The following KIAA0319 variants were observed in gnomAD, a reference collection of about 807,000 sequenced individuals.
The protein encoded by KIAA0319 is KIAA0319.
Under a neutral mutation model 108.4 loss-of-function variants are expected in KIAA0319, and 83 were observed. That is an observed-to-expected ratio of 0.77 (90% confidence interval 0.64 to 0.92). The LOEUF is 0.92. Ranked by LOEUF, KIAA0319 falls within the 40% of genes least tolerant of loss-of-function variation. The pLI, the probability that KIAA0319 is intolerant of heterozygous loss-of-function variation, is 0.00. For missense variants in KIAA0319, 1,195 were observed against 1,322.4 expected (o/e 0.90, Z 1.49); for synonymous variants, 484 against 510.4 (o/e 0.95, Z 0.70).
rs1770466619 is a variant in KIAA0319 at position 24,600,527 on chromosome 6, G to A, written c.55+522C>T. ...GCATTTTAACAAGGGTCTCGCTAAG[G>A]TTATCTTCATTATGGCTGTGTTACA... is the stretch of plus-strand genomic sequence containing the variant. On this transcript the variant is annotated intron_variant, in intron 2 of 20. Transcript: ENST00000378214. The A allele has an allele frequency of 4.0e-6, 3 of 744,816 alleles. No individual in the cohort carries two copies. In the East Asian group the frequency reaches 8.1e-5, roughly 20 times the overall value. 46.1% of individuals were successfully genotyped at this position (744,816 alleles called of 1,614,324 possible).
At chr6:24,608,142 C>T (rs1395750160) in intron 1 of KIAA0319, among the ~76,000 whole-genome samples, 1 of 151,848 alleles carries the variant, frequency 6.6e-6, no homozygotes, top group African/African-American at 2.4e-5. Flanking sequence ...AATAGAAGAC[C>T]TAAGGCTGAC....
intron 16 of KIAA0319, 46 bp from the exon 17 acceptor site, chr6:24,559,201 G>A (rs1345615963): frequency 6.3e-7 from 1 of 1,595,494 alleles, no homozygotes; most frequent in Non-Finnish European, 8.6e-7. Flanking sequence ...GTCAGATGGT[G>A]ACTACCATGA....
intron 3 of KIAA0319, 54 bp downstream of exon 3, chr6:24,595,819 C>T (rs1249445012): frequency 9.2e-6 from 14 of 1,524,186 alleles, no homozygotes; most frequent in African/African-American, 2.8e-5. Flanking sequence ...GCCCCTCCTA[C>T]GGTCTGCCCC....
At chr6:24,588,535 C>A in intron 4 of KIAA0319, 58 bp downstream of exon 4, 1 of 1,481,446 alleles carries the variant, frequency 6.8e-7, no homozygotes, top group Non-Finnish European at 9.3e-7. Context: ...GTTGTCACCA[C>A]CAAATTCTAC....
chr6:24,599,312 G>C lies in KIAA0319; in HGVS notation c.55+1737C>G, dbSNP rs566251995. ...AGAACATCAGCCGGCTCCAGACTGAGACTGAGGGCCTCAAAGGCTAGAGGG... is the reference window on the plus strand; with the variant it reads ...AGAACATCAGCCGGCTCCAGACTGACACTGAGGGCCTCAAAGGCTAGAGGG... On this transcript the variant is annotated intron_variant, in intron 2 of 20. Transcript: ENST00000378214. The surrounding 1 kb of genome is among the most constrained non-coding windows in gnomAD (Gnocchi z 4.1). 4.0e-6 allele frequency: 2 copies of C among 496,264 alleles called. No individual in the cohort carries two copies. The highest frequency in any genetic ancestry group is 5.6e-5 in the Admixed American group (2 of 35,760). 30.7% of individuals were successfully genotyped at this position (496,264 alleles called of 1,614,324 possible). A position where few individuals can be genotyped will look rare whatever the true frequency, so the allele number is the denominator to read the frequency against.
At chr6:24,565,305 G>C (rs916240853) in intron 14 of KIAA0319, among the ~76,000 whole-genome samples, 2 of 148,756 alleles carry the variant, frequency 1.3e-5, no homozygotes, top group African/African-American at 5.2e-5. Flanking sequence ...CCACTCCTTA[G>C]TACATCTCCA....
chr6:24,581,775 T>C (rs952561722), intron 6 of KIAA0319, among the ~76,000 whole-genome samples: 1 of 152,170 alleles, frequency 6.6e-6, no homozygotes, highest in Admixed American at 6.6e-5. Flanking sequence ...ATCCAAAGCC[T>C]CTTAACCATC....
chr6:24,551,023 AG>A (rs1357631088), intron 20 of KIAA0319, among the ~76,000 whole-genome samples: 1 of 152,098 alleles, frequency 6.6e-6, no homozygotes, highest in East Asian at 1.9e-4. Flanking sequence ...CTGTAGCCCA[AG>A]CTGTAGTGCA....
intron 1 of KIAA0319, among the ~76,000 whole-genome samples, chr6:24,629,216 A>T (rs1447264399): frequency 6.6e-6 from 1 of 152,102 alleles, no homozygotes; most frequent in Non-Finnish European, 1.5e-5. Flanking sequence ...GAAGTCAGCC[A>T]ATGATGGAAT....
chr6:24,566,814 T>C (rs1231897899), intron 13 of KIAA0319, 66 bp from the exon 14 acceptor site: 35 of 1,422,790 alleles, frequency 2.5e-5, no homozygotes, highest in Non-Finnish European at 3.3e-5. Context: ...AGAATAAGTG[T>C]GTCATAAAAC....
At chr6:24,619,979 A>G (rs1342703326) in intron 1 of KIAA0319, among the ~76,000 whole-genome samples, 1 of 152,238 alleles carries the variant, frequency 6.6e-6, no homozygotes, top group Non-Finnish European at 1.5e-5. Flanking sequence ...TTCGCTGTTC[A>G]TTCTAACACT....
At chr6:24,586,686 T>C (rs530937030) in intron 4 of KIAA0319, among the ~76,000 whole-genome samples, 19 of 152,328 alleles carry the variant, frequency 1.2e-4, no homozygotes, top group African/African-American at 4.6e-4. Flanking sequence ...CTCATTTCCC[T>C]GGGCATCTCC....
chr6:24,601,142 G>A lies in KIAA0319; in HGVS notation c.-39C>T, dbSNP rs777218191. The A allele has an allele frequency of 5.2e-5, 84 of 1,609,484 alleles. No individual in the cohort carries two copies. Among genetic ancestry groups the A allele is most frequent in the African/African-American group, 6.7e-5 (5 of 74,734 alleles). On this transcript the variant is annotated 5_prime_UTR_variant, in exon 2 of 21. Coordinates refer to ENST00000378214, the MANE Select transcript of KIAA0319 (RefSeq NM_014809.4). ...GTGGGTGATGGCAGGCTTCTGAGGCGGCCCTGAAGAGAGTTTGGTGCAAGC... is the reference window on the plus strand; with the variant it reads ...GTGGGTGATGGCAGGCTTCTGAGGCAGCCCTGAAGAGAGTTTGGTGCAAGC...
chr6:24,627,940 T>G (rs893914790), intron 1 of KIAA0319, among the ~76,000 whole-genome samples: 1 of 152,228 alleles, frequency 6.6e-6, no homozygotes, highest in Non-Finnish European at 1.5e-5. Flanking sequence ...GCTGAAGACA[T>G]GTCCTGAATG....
intron 13 of KIAA0319, 35 bp downstream of exon 13, chr6:24,568,746 G>C: frequency 1.3e-6 from 2 of 1,595,588 alleles, no homozygotes; most frequent in Non-Finnish European, 1.7e-6. Context: ...CGAAAGCAGA[G>C]CAGGCCCAGC....
chr6:24,595,955 G>C lies in KIAA0319; in HGVS notation c.719C>G (p.Thr240Ser). The C allele has an allele frequency of 6.2e-7, 1 of 1,614,182 alleles. No individual in the cohort carries two copies. Among genetic ancestry groups the C allele is most frequent in the Non-Finnish European group, 8.5e-7 (1 of 1,180,018 alleles). The change falls in exon 3 of 21, where the codon ACT (threonine) becomes AGT (serine). Residue 240 changes from threonine to serine, a missense_variant. Thr to Ser is a moderately conservative substitution (Grantham distance 58). Transcript: ENST00000378214. Reference protein sequence around the residue: ...PERSVLLPLPTTPSSGEVLEK... With the variant: ...PERSVLLPLPSTPSSGEVLEK... Reference sequence around the variant, plus strand: ...CAACACCTCTCCTGAAGATGGAGTAGTCGGCAAGGGAAGCAACACACTTCT... The same window carrying C: ...CAACACCTCTCCTGAAGATGGAGTACTCGGCAAGGGAAGCAACACACTTCT...
Position 24,572,586 on chromosome 6 carries a change from A to G in KIAA0319, c.1847T>C (p.Ile616Thr). The G allele has an allele frequency of 6.2e-7, 1 of 1,612,974 alleles. No individual in the cohort carries two copies. The highest frequency in any genetic ancestry group is 8.5e-7 in the Non-Finnish European group (1 of 1,179,688). Residue 616 changes from isoleucine to threonine, a missense_variant, in exon 11 of 21, where the codon ATT (isoleucine) becomes ACT (threonine). Transcript: ENST00000378214. The stretch of plus-strand genomic sequence containing the variant: ...TCTCCTCCACCTACCAGGCTGGACA[A>G]TCACAGTCACCACAGCAGTAGACTG... ...RQQSTAVVTV[I>T]VQPENNRPPV...
intron 1 of KIAA0319, among the ~76,000 whole-genome samples, chr6:24,638,896 G>A (rs1776559084): frequency 6.6e-6 from 1 of 152,178 alleles, no homozygotes; most frequent in South Asian, 2.1e-4. Context: ...TTTGTTAAGA[G>A]AGTAGATCTT....
At position 24,547,138 on chromosome 6, in the gene KIAA0319, C is replaced by G; in HGVS notation, c.*27G>C. 6.2e-7 allele frequency: 1 copy of G among 1,611,834 alleles called. No homozygotes were observed. The highest frequency in any genetic ancestry group is 8.5e-7 in the Non-Finnish European group (1 of 1,178,260). ...CTGACTGGTCTTGGATTCAAGGGGTCCTTCCACTTTACAATGAACTGCGCC... is the reference window on the plus strand; with the variant it reads ...CTGACTGGTCTTGGATTCAAGGGGTGCTTCCACTTTACAATGAACTGCGCC... On this transcript the variant is annotated 3_prime_UTR_variant, in exon 21 of 21. Coordinates refer to ENST00000378214, the MANE Select transcript of KIAA0319 (RefSeq NM_014809.4).
Sources: allele counts gnomAD v4.1 joint callset (sites outside exome capture counted in the v4.1 genomes callset), GRCh38; gene constraint gnomAD v4.1.1; non-coding constraint Gnocchi (gnomAD v3.1); transcripts MANE v1.5; gene names NCBI Gene and HGNC (gene_info 2026-07-23, HGNC 2026-07-21).